NXPH1: variants seen among roughly 807,000 people sequenced by gnomAD.
NXPH1 encodes the protein neurexophilin-1.
A neutral mutation model predicts 23.7 loss-of-function variants in NXPH1; 5 were observed. The ratio of observed to expected loss-of-function variants is 0.21; its 90% CI spans 0.11 to 0.44. NXPH1 has a LOEUF of 0.44. Among genes scored for constraint, NXPH1 ranks in the 20% least tolerant of loss-of-function variants. The pLI, the probability that NXPH1 is intolerant of heterozygous loss-of-function variation, is 0.99. For synonymous variants in NXPH1, 144 were observed against 122.2 expected (o/e 1.18, Z -1.18); for missense variants, 324 against 321.6 (o/e 1.01, Z -0.06).
intron 2 of NXPH1, among the ~76,000 whole-genome samples, chr7:8,566,868 C>G (rs961874267): frequency 7.2e-5 from 11 of 151,794 alleles, no homozygotes; most frequent in South Asian, 2.1e-4. Context: ...TTCTCTCTCT[C>G]TCATCTATCT....
At chr7:8,526,641 C>G (rs1817866456) in intron 2 of NXPH1, among the ~76,000 whole-genome samples, 1 of 152,158 alleles carries the variant, frequency 6.6e-6, no homozygotes, top group African/African-American at 2.4e-5. Flanking sequence ...ATGCTATTCT[C>G]ATGATAGTGA....
chr7:8,673,071 G>A (rs764262479), intron 2 of NXPH1, among the ~76,000 whole-genome samples: 1 of 152,084 alleles, frequency 6.6e-6, no homozygotes, highest in Admixed American at 6.5e-5. Flanking sequence ...CATCTTAGCA[G>A]GGTTGCTGAC....
At chr7:8,521,219 C>G (rs1563334556) in intron 2 of NXPH1, among the ~76,000 whole-genome samples, 2 of 152,122 alleles carry the variant, frequency 1.3e-5, no homozygotes, top group African/African-American at 4.8e-5. Context: ...GAGCCACTAC[C>G]AAACAATCAA....
chr7:8,614,494 G>T (rs1012222244), intron 2 of NXPH1, among the ~76,000 whole-genome samples: 9 of 151,718 alleles, frequency 5.9e-5, no homozygotes, highest in African/African-American at 1.9e-4. Context: ...TATGTCTATA[G>T]ATATGGATAC....
chr7:8,464,067 T>G (rs755804693), intron 2 of NXPH1, among the ~76,000 whole-genome samples: 2 of 152,196 alleles, frequency 1.3e-5, no homozygotes, highest in Non-Finnish European at 2.9e-5. Context: ...TCTTAAGTGC[T>G]CCTGCATAAT....
At chr7:8,724,647 GTT>G (rs1780020037) in intron 2 of NXPH1, among the ~76,000 whole-genome samples, 1 of 152,132 alleles carries the variant, frequency 6.6e-6, no homozygotes, top group Non-Finnish European at 1.5e-5. Flanking sequence ...ATCTTATGAT[GTT>G]TGTATGAATA....
At chr7:8,682,841 C>T (rs544037935) in intron 2 of NXPH1, among the ~76,000 whole-genome samples, 4 of 152,278 alleles carry the variant, frequency 2.6e-5, no homozygotes, top group African/African-American at 9.6e-5. Context: ...TAGTTCAAGT[C>T]ATTAGAATGT....
At chr7:8,542,137 AAAG>A (rs1432614840) in intron 2 of NXPH1, among the ~76,000 whole-genome samples, 13 of 151,422 alleles carry the variant, frequency 8.6e-5, no homozygotes, top group African/African-American at 3.1e-4. Flanking sequence ...ATAAGAAAAA[AAAG>A]AAAAAATATA....
At chr7:8,696,691 A>G (rs960319697) in intron 2 of NXPH1, among the ~76,000 whole-genome samples, 16 of 152,238 alleles carry the variant, frequency 1.1e-4, no homozygotes, top group Non-Finnish European at 2.1e-4. Context: ...CAAGTTGTAT[A>G]GAGAGAGTAG....
At chr7:8,501,229 T>C (rs1022969972) in intron 2 of NXPH1, among the ~76,000 whole-genome samples, 4 of 152,096 alleles carry the variant, frequency 2.6e-5, no homozygotes, top group African/African-American at 9.7e-5. Flanking sequence ...TTCTCACCAA[T>C]GAATTGAAAT....
chr7:8,704,403 A>C (rs1476595508), intron 2 of NXPH1, among the ~76,000 whole-genome samples: 1 of 151,978 alleles, frequency 6.6e-6, no homozygotes, highest in Non-Finnish European at 1.5e-5. Context: ...CTGTATTCTC[A>C]GAGAGATCCC....
chr7:8,457,855 A>AGG (rs1816626458), intron 2 of NXPH1, among the ~76,000 whole-genome samples: 1 of 152,180 alleles, frequency 6.6e-6, no homozygotes, highest in Non-Finnish European at 1.5e-5. Context: ...AATTGAAAAA[A>AGG]AAGTTAGAGC....
intron 2 of NXPH1, among the ~76,000 whole-genome samples, chr7:8,731,652 C>T (rs1002420167): frequency 2.6e-5 from 4 of 152,236 alleles, no homozygotes; most frequent in African/African-American, 2.4e-5. Flanking sequence ...ATAGGCTGCT[C>T]GGGGGTCAGG....
chr7:8,474,580 T>C (rs916846521), intron 2 of NXPH1, among the ~76,000 whole-genome samples: 2 of 152,154 alleles, frequency 1.3e-5, no homozygotes, highest in African/African-American at 4.8e-5. Context: ...AAAAACAGGT[T>C]GATGCTCTGC....
chr7:8,577,399 C>A (rs1199897019), intron 2 of NXPH1, among the ~76,000 whole-genome samples: 1 of 152,192 alleles, frequency 6.6e-6, no homozygotes, highest in Non-Finnish European at 1.5e-5. Context: ...GAGTAACAAT[C>A]TTCTTTGCTG....
chr7:8,528,059 A>C (rs1215910082), intron 2 of NXPH1, among the ~76,000 whole-genome samples: 1 of 152,246 alleles, frequency 6.6e-6, no homozygotes, highest in Non-Finnish European at 1.5e-5. Context: ...TCTTTGACCT[A>C]GCTCCAAAAG....
chr7:8,435,569 G>A lies in NXPH1; in HGVS notation c.-110-35G>A, dbSNP rs6948635. On this transcript the variant is annotated intron_variant, in intron 1 of 2. Transcript: ENST00000405863. The surrounding 1 kb of genome is among the most constrained non-coding windows in gnomAD (Gnocchi z 5.9). ...GATTGTCAAGCCTAACCTTGCCCGC[G>A]TAGTCATGGGATGTCTAATTTTATT... is the stretch of plus-strand genomic sequence containing the variant. 2.2e-3 allele frequency: 1,580 copies of A among 711,634 alleles called. 14 individuals carry two copies. In the African/African-American group the frequency reaches 0.024, roughly 11 times the overall value. The allele number at this position is 711,634 out of a possible 1,614,324, so 44.1% of individuals were successfully genotyped here.
chr7:8,523,124 A>T (rs1005160002), intron 2 of NXPH1, among the ~76,000 whole-genome samples: 1 of 152,244 alleles, frequency 6.6e-6, no homozygotes, highest in Non-Finnish European at 1.5e-5. Context: ...TTGTTGGATG[A>T]GTGGATATAA....
At chr7:8,518,959 G>C (rs189659273) in intron 2 of NXPH1, among the ~76,000 whole-genome samples, 4 of 152,002 alleles carry the variant, frequency 2.6e-5, no homozygotes, top group East Asian at 1.9e-4. Flanking sequence ...GATAGTGCAT[G>C]CTGATTTTGT....
Sources: allele counts gnomAD v4.1 joint callset (sites outside exome capture counted in the v4.1 genomes callset), GRCh38; gene constraint gnomAD v4.1.1; non-coding constraint Gnocchi (gnomAD v3.1); transcripts MANE v1.5; gene names NCBI Gene and HGNC (gene_info 2026-07-23, HGNC 2026-07-21).